Variants in KCND2 observed in about 807,000 individuals in gnomAD.
The protein encoded by KCND2 is potassium voltage-gated channel subfamily D member 2, also known as A-type voltage-gated potassium channel KCND2.
A neutral mutation model predicts 54.4 loss-of-function variants in KCND2; 16 were observed. The ratio of observed to expected loss-of-function variants is 0.29; its 90% CI spans 0.20 to 0.45. The LOEUF (loss-of-function observed/expected upper bound fraction) is 0.45, where lower values mean the gene tolerates loss of function less well. Among genes scored for constraint, KCND2 ranks in the 20% least tolerant of loss-of-function variants. The pLI is 1.00. For missense variants in KCND2, 486 were observed against 824.2 expected, an observed-to-expected ratio of 0.59 and a Z score of 5.02; for synonymous variants, 317 against 310.7, an observed-to-expected ratio of 1.02 and a Z score of -0.21.
intron 1 of KCND2, among the ~76,000 whole-genome samples, chr7:120,390,342 C>T (rs929081541): frequency 4.0e-5 from 6 of 151,852 alleles, no homozygotes; most frequent in Non-Finnish European, 5.9e-5. Flanking sequence ...TTTGCAATGA[C>T]GATGAAGGTG....
chr7:120,591,986 T>C (rs1008514184), intron 1 of KCND2, among the ~76,000 whole-genome samples: 12 of 152,166 alleles, frequency 7.9e-5, no homozygotes, highest in African/African-American at 2.4e-4. Flanking sequence ...CAATATTTAA[T>C]GAGATTCTAG....
At chr7:120,433,779 T>C (rs1424524841) in intron 1 of KCND2, among the ~76,000 whole-genome samples, 1 of 152,232 alleles carries the variant, frequency 6.6e-6, no homozygotes, top group Non-Finnish European at 1.5e-5. Context: ...ACTTATAGTC[T>C]AACAGCAAGT....
intron 1 of KCND2, among the ~76,000 whole-genome samples, chr7:120,642,722 A>C (rs535299165): frequency 1.3e-5 from 2 of 152,114 alleles, no homozygotes; most frequent in Non-Finnish European, 2.9e-5. Context: ...TTTATAAACT[A>C]CTTCAGGATT....
intron 4 of KCND2, among the ~76,000 whole-genome samples, chr7:120,745,472 T>C (rs1792993990): frequency 6.6e-6 from 1 of 151,948 alleles, no homozygotes; most frequent in Admixed American, 6.6e-5. Context: ...GTTTTTTTTT[T>C]CCTTATCATA....
intron 1 of KCND2, among the ~76,000 whole-genome samples, chr7:120,663,873 A>G (rs931762818): frequency 5.3e-5 from 8 of 152,212 alleles, no homozygotes; most frequent in Admixed American, 3.9e-4. Context: ...CACCATTATT[A>G]TATGCCACAG....
At chr7:120,571,347 CA>C in intron 1 of KCND2, among the ~76,000 whole-genome samples, 1 of 152,070 alleles carries the variant, frequency 6.6e-6, no homozygotes, top group Non-Finnish European at 1.5e-5. Context: ...AACCAAAATC[CA>C]AAAATTGTTA....
chr7:120,323,381 C>G (rs1405945331), intron 1 of KCND2, among the ~76,000 whole-genome samples: 2 of 152,014 alleles, frequency 1.3e-5, no homozygotes, highest in African/African-American at 4.8e-5. Flanking sequence ...ATGTGCCAAG[C>G]TGGTGTGCTG....
chr7:120,480,786 A>C (rs1802595983), intron 1 of KCND2, among the ~76,000 whole-genome samples: 1 of 152,222 alleles, frequency 6.6e-6, no homozygotes, highest in Non-Finnish European at 1.5e-5. Context: ...TAAGTTACCC[A>C]GTCTGTGATA....
At chr7:120,658,354 A>C (rs1261973029) in intron 1 of KCND2, among the ~76,000 whole-genome samples, 1 of 152,210 alleles carries the variant, frequency 6.6e-6, no homozygotes, top group Admixed American at 6.5e-5. Flanking sequence ...ACATGAAAAC[A>C]GATTCGTTAT....
chr7:120,610,079 T>C (rs1354001472), intron 1 of KCND2, among the ~76,000 whole-genome samples: 8 of 152,150 alleles, frequency 5.3e-5, no homozygotes, highest in Non-Finnish European at 1.0e-4. Context: ...TTATCACATA[T>C]GTTATTATAT....
chr7:120,315,399 G>A lies in KCND2; in HGVS notation c.1115+39652G>A, dbSNP rs867714970. On this transcript the variant is annotated intron_variant, in intron 1 of 5. Transcript: ENST00000331113. ...TGGATGCTTCTCAGTGTCTCTAGGC[G>A]GTTAAGCCCTAAGGGTATCTTTAGG... 7.9e-5 allele frequency among the ~76,000 whole-genome samples: 12 copies of A among 152,226 alleles called. No individual in the cohort carries two copies. The South Asian group carries it at 2.1e-3, about 26-fold the overall frequency.
chr7:120,344,578 C>T (rs1054090389), intron 1 of KCND2, among the ~76,000 whole-genome samples: 1 of 152,096 alleles, frequency 6.6e-6, no homozygotes, highest in African/African-American at 2.4e-5. Flanking sequence ...TGCAATAGTA[C>T]CACATTAATC....
intron 1 of KCND2, among the ~76,000 whole-genome samples, chr7:120,610,347 C>T (rs965071824): frequency 6.6e-6 from 1 of 152,002 alleles, no homozygotes; most frequent in African/African-American, 2.4e-5. Context: ...ATTTAAGAAA[C>T]CAGATATTTC....
At chr7:120,479,307 A>G (rs1380603320) in intron 1 of KCND2, among the ~76,000 whole-genome samples, 1 of 152,108 alleles carries the variant, frequency 6.6e-6, no homozygotes, top group African/African-American at 2.4e-5. Context: ...TCAAATATGG[A>G]ACATACTCTT....
intron 1 of KCND2, among the ~76,000 whole-genome samples, chr7:120,381,617 T>C (rs1019899442): frequency 6.6e-6 from 1 of 152,074 alleles, no homozygotes; most frequent in Non-Finnish European, 1.5e-5. Flanking sequence ...CATAGAACTG[T>C]CATTTGTAAT....
intron 1 of KCND2, among the ~76,000 whole-genome samples, chr7:120,351,244 G>GTGTATATATATATA (rs376321316): frequency 2.9e-5 from 4 of 137,350 alleles, no homozygotes; most frequent in African/African-American, 1.1e-4. Context: ...TTATATGTGT[G>GTGTATATATATATA]TATATATATA....
intron 1 of KCND2, among the ~76,000 whole-genome samples, chr7:120,713,667 A>G (rs1178097359): frequency 6.6e-6 from 1 of 152,144 alleles, no homozygotes. Flanking sequence ...TAAAACCGCC[A>G]CTCAAATGAT....
chr7:120,571,863 G>T (rs1405859818), intron 1 of KCND2, among the ~76,000 whole-genome samples: 2 of 152,136 alleles, frequency 1.3e-5, no homozygotes. Flanking sequence ...TTTTCAACTA[G>T]AATACTTTTT....
chr7:120,345,341 T>C (rs567726129), intron 1 of KCND2, among the ~76,000 whole-genome samples: 1 of 152,264 alleles, frequency 6.6e-6, no homozygotes, highest in Admixed American at 6.5e-5. Flanking sequence ...ACATAACTAG[T>C]ACGATTAAGA....
Sources: gnomAD v4.1 joint callset for allele counts (sites outside exome capture counted in the v4.1 genomes callset) on GRCh38, gnomAD v4.1.1 for gene constraint, MANE v1.5 for transcripts, NCBI Gene and HGNC (gene_info 2026-07-23, HGNC 2026-07-21) for gene names.